LHFPL6: variants seen among roughly 807,000 people sequenced by gnomAD.
LHFPL6 encodes the protein LHFPL tetraspan subfamily member 6 protein.
In LHFPL6, 9 loss-of-function variants were observed where a neutral mutation model predicts 20.6. That is an observed-to-expected ratio of 0.44 (90% confidence interval 0.26 to 0.76). The LOEUF is 0.76. Ranked by LOEUF, LHFPL6 falls within the 30% of genes least tolerant of loss-of-function variation. The pLI is 0.20. For synonymous variants in LHFPL6, 105 were observed against 98.7 expected (o/e 1.06, Z -0.38); for missense variants, 218 against 253.5 (o/e 0.86, Z 0.95).
chr13:39,520,643 G>A (rs754209267), intron 2 of LHFPL6, among the ~76,000 whole-genome samples: 2 of 152,188 alleles, frequency 1.3e-5, no homozygotes, highest in African/African-American at 2.4e-5. Flanking sequence ...AGTCTTTGAC[G>A]CTGGTAGAGA....
intron 2 of LHFPL6, among the ~76,000 whole-genome samples, chr13:39,552,733 G>T (rs113917442): frequency 1.4e-4 from 22 of 152,364 alleles, no homozygotes; most frequent in African/African-American, 5.3e-4. Context: ...ACCAGCAACA[G>T]TGAAAAAACA....
intron 2 of LHFPL6, among the ~76,000 whole-genome samples, chr13:39,536,435 G>A (rs1407735568): frequency 6.6e-6 from 1 of 152,112 alleles, no homozygotes; most frequent in East Asian, 1.9e-4. Context: ...CCTCTTCCAA[G>A]ATGCTCCCAG....
chr13:39,518,051 C>T (rs1927206), intron 2 of LHFPL6, among the ~76,000 whole-genome samples: 12,976 of 152,200 alleles, frequency 0.085, 631 homozygotes, highest in East Asian at 0.25. Context: ...CATCCATTCC[C>T]GCTAGGTGAT....
intron 2 of LHFPL6, among the ~76,000 whole-genome samples, chr13:39,406,990 A>C (rs1871126283): frequency 6.6e-6 from 1 of 152,232 alleles, no homozygotes. Flanking sequence ...TTTGACAGTC[A>C]TTAAACCAAC....
intron 3 of LHFPL6, among the ~76,000 whole-genome samples, chr13:39,348,768 C>A (rs2138334847): frequency 6.6e-6 from 1 of 152,274 alleles, no homozygotes; most frequent in Non-Finnish European, 1.5e-5. Context: ...CTGAGAGAGG[C>A]AGAGCAGAGC....
intron 2 of LHFPL6, among the ~76,000 whole-genome samples, chr13:39,397,011 A>G (rs1870859749): frequency 6.6e-6 from 1 of 152,166 alleles, no homozygotes; most frequent in South Asian, 2.1e-4. Flanking sequence ...CTCAGAACTG[A>G]GAGAGAATAG....
chr13:39,495,442 T>TG (rs1869066188), intron 2 of LHFPL6, among the ~76,000 whole-genome samples: 1 of 152,186 alleles, frequency 6.6e-6, no homozygotes, highest in Admixed American at 6.5e-5. Flanking sequence ...TACATTGTAG[T>TG]TCTCAAATCA....
At chr13:39,446,940 T>C (rs9603541) in intron 2 of LHFPL6, among the ~76,000 whole-genome samples, 77,743 of 152,050 alleles carry the variant, frequency 0.51, 21,221 homozygotes, top group East Asian at 0.98. Context: ...ATAAACTGGT[T>C]CACAGGGAGA....
In LHFPL6 at chr13:39,541,655, T is replaced by C. The variant is rs111481031; in HGVS notation, c.385+59177A>G. 2.6e-5 allele frequency among the ~76,000 whole-genome samples: 4 copies of C among 152,202 alleles called. No homozygotes were observed. In the East Asian group the frequency reaches 7.7e-4, roughly 29 times the overall value. ...CCTTAAACACACATCTGTTGGAGTA[T>C]TTAGCCCTTTCTTTTTCTATGTGTC... On this transcript the variant is annotated intron_variant, in intron 2 of 3. Transcript: ENST00000379589.
At chr13:39,406,158 GA>G (rs1871108634) in intron 2 of LHFPL6, among the ~76,000 whole-genome samples, 1 of 152,092 alleles carries the variant, frequency 6.6e-6, no homozygotes, top group South Asian at 2.1e-4. Flanking sequence ...ATAGGGGCTT[GA>G]CCATAATAAT....
intron 2 of LHFPL6, among the ~76,000 whole-genome samples, chr13:39,443,983 G>C (rs1872215014): frequency 6.6e-6 from 1 of 151,944 alleles, no homozygotes; most frequent in Non-Finnish European, 1.5e-5. Flanking sequence ...TTGACTTATT[G>C]TATTTTCAAC....
chr13:39,584,657 G>A (rs1471666865), intron 2 of LHFPL6, among the ~76,000 whole-genome samples: 4 of 151,310 alleles, frequency 2.6e-5, no homozygotes, highest in Non-Finnish European at 2.9e-5. Flanking sequence ...ATATTCTTAC[G>A]TAGACCTGAC....
chr13:39,378,603 A>G, intron 2 of LHFPL6, 77 bp from the exon 3 acceptor site: 1 of 1,113,830 alleles, frequency 9.0e-7, no homozygotes, highest in Non-Finnish European at 1.4e-6. Context: ...ATCAATATTT[A>G]GCAATATAAC....
intron 2 of LHFPL6, among the ~76,000 whole-genome samples, chr13:39,477,138 C>T (rs1252506584): frequency 6.6e-6 from 1 of 152,092 alleles, no homozygotes; most frequent in African/African-American, 2.4e-5. Flanking sequence ...TCTCTAGTGA[C>T]TTTACCTCCC....
At chr13:39,554,949 T>TTGTGGATC (rs1464776933) in intron 2 of LHFPL6, among the ~76,000 whole-genome samples, 1 of 152,176 alleles carries the variant, frequency 6.6e-6, no homozygotes, top group Non-Finnish European at 1.5e-5. Flanking sequence ...ATGCAATGTG[T>TTGTGGATC]TGTGGATCTG....
chr13:39,529,077 A>G (rs1161181620), intron 2 of LHFPL6, among the ~76,000 whole-genome samples: 1 of 151,862 alleles, frequency 6.6e-6, no homozygotes, highest in East Asian at 1.9e-4. Flanking sequence ...ATTCATGCCA[A>G]TTCCCTTATT....
chr13:39,358,483 G>T (rs923204484), intron 3 of LHFPL6, among the ~76,000 whole-genome samples: 2 of 152,050 alleles, frequency 1.3e-5, no homozygotes, highest in African/African-American at 4.8e-5. Flanking sequence ...ATAGGTGTGG[G>T]TAAAGAATTT....
intron 2 of LHFPL6, among the ~76,000 whole-genome samples, chr13:39,592,115 T>C (rs955347819): frequency 2.0e-5 from 3 of 151,340 alleles, no homozygotes; most frequent in African/African-American, 7.3e-5. Context: ...AAAAAGAATA[T>C]TCCATTGAAT....
Position 39,534,705 on chromosome 13 carries a change from G to C in LHFPL6, c.385+66127C>G, listed in dbSNP as rs1006940243. ...AGTGGTGGAGACCTGGGGAGGTGGG[G>C]GAAAATGTAGTAACAGAGATGCTTT... On this transcript the variant is annotated intron_variant, in intron 2 of 3. Coordinates refer to ENST00000379589, the MANE Select transcript of LHFPL6 (RefSeq NM_005780.3). Among the ~76,000 whole-genome samples the C allele has an allele frequency of 4.6e-5, 7 of 152,074 alleles. No individual in the cohort carries two copies. In the East Asian group the frequency reaches 1.4e-3, roughly 29 times the overall value.
Sources: gnomAD v4.1 joint callset for allele counts (sites outside exome capture counted in the v4.1 genomes callset) on GRCh38, gnomAD v4.1.1 for gene constraint, MANE v1.5 for transcripts, NCBI Gene and HGNC (gene_info 2026-07-23, HGNC 2026-07-21) for gene names.